The following ATP10A variants were observed in gnomAD, a reference collection of about 807,000 sequenced individuals.
ATP10A encodes phospholipid-transporting ATPase VA.
In ATP10A, 111 loss-of-function variants were observed where a neutral mutation model predicts 147.8. That is an observed-to-expected ratio of 0.75 (90% CI 0.64 to 0.88). The LOEUF is 0.88. Ranked by LOEUF, ATP10A falls within the 40% of genes least tolerant of loss-of-function variation. The pLI, the probability that ATP10A is intolerant of heterozygous loss-of-function variation, is 0.00. For missense variants in ATP10A, 1,927 were observed against 1,959.0 expected (o/e 0.98, Z 0.31); for synonymous variants, 875 against 841.6 (o/e 1.04, Z -0.69).
intron 1 of ATP10A, among the ~76,000 whole-genome samples, chr15:25,861,338 G>A (rs143989955): frequency 2.0e-5 from 3 of 152,278 alleles, no homozygotes; most frequent in African/African-American, 7.2e-5. Flanking sequence ...AAAGCTGTGC[G>A]GGCGGGAAGA....
chr15:25,705,440 CAA>C (rs67294220), intron 12 of ATP10A, among the ~76,000 whole-genome samples: 16 of 86,218 alleles, frequency 1.9e-4, no homozygotes, highest in Non-Finnish European at 2.4e-4. Context: ...TGTCTCAAAG[CAA>C]AAAAAAAAAA....
At chr15:25,771,671 C>G (rs1428281222) in intron 2 of ATP10A, among the ~76,000 whole-genome samples, 1 of 152,106 alleles carries the variant, frequency 6.6e-6, no homozygotes, top group Non-Finnish European at 1.5e-5. Flanking sequence ...TGACCATTCC[C>G]TGGCTGCCTA....
intron 1 of ATP10A, among the ~76,000 whole-genome samples, chr15:25,861,423 G>A (rs759183423): frequency 1.4e-4 from 21 of 152,254 alleles, no homozygotes; most frequent in South Asian, 2.1e-4. Context: ...CTCTGAACCC[G>A]TTTACTCTGT....
intron 2 of ATP10A, among the ~76,000 whole-genome samples, chr15:25,774,874 T>C (rs1889530798): frequency 6.6e-6 from 1 of 152,218 alleles, no homozygotes; most frequent in South Asian, 2.1e-4. Context: ...AGTCATTTAT[T>C]TCTGTCTTTC....
At chr15:25,855,853 G>A (rs571703760) in intron 1 of ATP10A, among the ~76,000 whole-genome samples, 4 of 152,136 alleles carry the variant, frequency 2.6e-5, no homozygotes, top group Non-Finnish European at 5.9e-5. Context: ...CCAGGTGGCA[G>A]GACACAAGAT....
chr15:25,711,040 C>G (rs1488242066), intron 10 of ATP10A, among the ~76,000 whole-genome samples: 2 of 151,860 alleles, frequency 1.3e-5, no homozygotes, highest in African/African-American at 4.8e-5. Context: ...AGTGACTCGT[C>G]CAGGGTCATC....
At chr15:25,839,084 G>A (rs537341516) in intron 1 of ATP10A, among the ~76,000 whole-genome samples, 3 of 152,168 alleles carry the variant, frequency 2.0e-5, no homozygotes, top group Admixed American at 1.3e-4. Context: ...ACTTAACAGC[G>A]GGCTTGTATC....
intron 1 of ATP10A, among the ~76,000 whole-genome samples, chr15:25,855,927 T>C (rs1893497808): frequency 1.3e-5 from 2 of 152,344 alleles, no homozygotes; most frequent in Middle Eastern, 6.8e-3. Context: ...TAGATCTAAA[T>C]AAAGAATGTG....
At chr15:25,790,904 C>A (rs1890386705) in intron 1 of ATP10A, among the ~76,000 whole-genome samples, 1 of 152,072 alleles carries the variant, frequency 6.6e-6, no homozygotes, top group Non-Finnish European at 1.5e-5. Flanking sequence ...ATTGGTATGA[C>A]AATCCCAGGA....
chr15:25,728,129 C>T (rs536256317), intron 3 of ATP10A, among the ~76,000 whole-genome samples: 21 of 152,300 alleles, frequency 1.4e-4, no homozygotes, highest in South Asian at 1.0e-3. Context: ...ACCCCCTCTC[C>T]GCACGCATTC....
intron 1 of ATP10A, among the ~76,000 whole-genome samples, chr15:25,798,333 G>A (rs577318320): frequency 1.3e-5 from 2 of 152,302 alleles, no homozygotes; most frequent in South Asian, 2.1e-4. Context: ...CCTTCCCCAA[G>A]CCAGTGCTGG....
chr15:25,680,392 A>G lies in ATP10A; in HGVS notation c.3679-84T>C, dbSNP rs1899338080. On this transcript the variant is annotated intron_variant, in intron 19 of 20. Transcript: ENST00000555815. ...AATAACAAAAACGTGCCAGTCATCA[A>G]TGAGCAGGTGTGAGGTTCTGAGGCC... 1.3e-5 allele frequency: 19 copies of G among 1,424,070 alleles called. No individual in the cohort carries two copies. The South Asian group carries it at 2.0e-4, about 15-fold the overall frequency. The allele number at this position is 1,424,070 out of a possible 1,614,324, so 88.2% of individuals were successfully genotyped here.
chr15:25,763,405 C>T (rs1888862210), intron 2 of ATP10A, among the ~76,000 whole-genome samples: 1 of 152,208 alleles, frequency 6.6e-6, no homozygotes, highest in South Asian at 2.1e-4. Context: ...CCTCCCCCTG[C>T]ATCCAGACTC....
chr15:25,863,963 G>A (rs953848038), upstream of ATP10A, among the ~76,000 whole-genome samples: 62 of 152,226 alleles, frequency 4.1e-4, no homozygotes, highest in Middle Eastern at 3.4e-3. Flanking sequence ...TTTCTTCATG[G>A]AAAGGAGAAA....
At chr15:25,790,832 T>C (rs1331827765) in intron 1 of ATP10A, among the ~76,000 whole-genome samples, 1 of 152,190 alleles carries the variant, frequency 6.6e-6, no homozygotes, top group Non-Finnish European at 1.5e-5. Context: ...TAGTAATGGA[T>C]GTAAAACACT....
At chr15:25,747,833 A>G (rs2140535957) in intron 2 of ATP10A, among the ~76,000 whole-genome samples, 1 of 152,346 alleles carries the variant, frequency 6.6e-6, no homozygotes, top group Admixed American at 6.5e-5. Flanking sequence ...TCACTTACAT[A>G]AACTCTTCCA....
intron 10 of ATP10A, among the ~76,000 whole-genome samples, chr15:25,711,823 C>T (rs1171006535): frequency 6.6e-6 from 1 of 152,208 alleles, no homozygotes; most frequent in Non-Finnish European, 1.5e-5. Flanking sequence ...GTCTGAGAGG[C>T]TCCCCGGCCT....
At chr15:25,796,124 A>G (rs1355613296) in intron 1 of ATP10A, among the ~76,000 whole-genome samples, 1 of 152,208 alleles carries the variant, frequency 6.6e-6, no homozygotes, top group Non-Finnish European at 1.5e-5. Flanking sequence ...CAAAACGAAC[A>G]GGGACAACAT....
intron 1 of ATP10A, among the ~76,000 whole-genome samples, chr15:25,853,042 AC>A (rs1893361844): frequency 6.6e-6 from 1 of 152,222 alleles, no homozygotes; most frequent in Non-Finnish European, 1.5e-5. Context: ...TAAAATGAGG[AC>A]AAAAATTCTT....
Sources: allele counts gnomAD v4.1 joint callset (sites outside exome capture counted in the v4.1 genomes callset), GRCh38; gene constraint gnomAD v4.1.1; transcripts MANE v1.5; gene names NCBI Gene and HGNC (gene_info 2026-07-23, HGNC 2026-07-21).